ARPC2: variants seen among roughly 807,000 people sequenced by gnomAD.
ARPC2 encodes actin-related protein 2/3 complex subunit 2.
In ARPC2, 4 loss-of-function variants were observed where a neutral mutation model predicts 38.6. That is an observed-to-expected ratio of 0.10 (90% CI 0.05 to 0.24). The LOEUF (loss-of-function observed/expected upper bound fraction) is 0.24. Ranked by LOEUF, ARPC2 falls within the 10% of genes least tolerant of loss-of-function variation. The pLI is 1.00. For synonymous variants in ARPC2, 125 were observed against 140.8 expected, an observed-to-expected ratio of 0.89 and a Z score of 0.79; for missense variants, 229 against 387.3, an observed-to-expected ratio of 0.59 and a Z score of 3.43.
In ARPC2 at chr2:218,224,470, C is replaced by A. The variant is rs1031570962; in HGVS notation, c.75-1450C>A. ...CCTCTTAATATTTCATTCAGTTGGT[C>A]CATGATTAACATTTCCATATTTTTG... On this transcript the variant is annotated intron_variant, in intron 2 of 10. Transcript: ENST00000315717. Among the ~76,000 whole-genome samples the A allele has an allele frequency of 2.6e-4, 39 of 152,168 alleles. 1 individual carries two copies. Among genetic ancestry groups the A allele is most frequent in the Admixed American group, 2.6e-3 (39 of 15,264 alleles).
chr2:218,249,383 C>T lies in ARPC2; in HGVS notation c.696C>T (p.Thr232=), dbSNP rs373216189. The T allele has an allele frequency of 1.2e-6, 2 of 1,613,136 alleles. No individual in the cohort carries two copies. The highest frequency in any genetic ancestry group is 2.7e-5 in the African/African-American group (2 of 74,928). Residue 232 remains threonine, a synonymous_variant, in exon 9 of 11, where the codon ACC becomes ACT. Transcript: ENST00000315717. ...YITFVLFPRH[T]NASARDNTIN... ...CTTCAGTGCTGTTCCCTCGTCACAC[C>T]AATGCCAGTGCTCGAGACAACACCA... is the stretch of plus-strand genomic sequence containing the variant.
chr2:218,221,952 G>GGA (rs1305769301), intron 2 of ARPC2, among the ~76,000 whole-genome samples: 4 of 152,194 alleles, frequency 2.6e-5, no homozygotes, highest in Non-Finnish European at 4.4e-5. Flanking sequence ...GGGATAAGTA[G>GGA]GAGAGAGACA....
At position 218,253,958 on chromosome 2, in the gene ARPC2, G is replaced by T. The variant is rs767919551; in HGVS notation, c.*43G>T. ...GGAAGCGGCTGGCAACTGAAGGCTG[G>T]AACACTTGCTACTGGATAATCGTAG... On this transcript the variant is annotated 3_prime_UTR_variant, in exon 11 of 11. Coordinates refer to ENST00000315717, the MANE Select transcript of ARPC2 (RefSeq NM_152862.3). 1 of 1,611,716 alleles carries T rather than the reference G, an allele frequency of 6.2e-7. No homozygotes were observed. The highest frequency in any genetic ancestry group is 2.2e-5 in the East Asian group (1 of 44,872).
chr2:218,250,289 C>T (rs372484972), intron 10 of ARPC2, among the ~76,000 whole-genome samples: 219 of 152,232 alleles, frequency 1.4e-3, no homozygotes, highest in African/African-American at 5.1e-3. Flanking sequence ...TGAAACCACC[C>T]CACTAAGTGT....
At chr2:218,245,573 G>A (rs1197544852) in intron 8 of ARPC2, 27 bp downstream of exon 8, 1 of 1,613,496 alleles carries the variant, frequency 6.2e-7, no homozygotes, top group South Asian at 1.1e-5. Flanking sequence ...TGCTGCTTTT[G>A]TGCCGCTTTA....
chr2:218,253,740 T>C (rs1690249560), intron 10 of ARPC2, 151 bp from the exon 11 acceptor site: 12 of 926,316 alleles, frequency 1.3e-5, no homozygotes, highest in South Asian at 4.1e-5. Context: ...TTTTAGCCGA[T>C]GTCCTGTGGT....
chr2:218,247,254 C>T (rs140068283), intron 8 of ARPC2, among the ~76,000 whole-genome samples: 9 of 152,306 alleles, frequency 5.9e-5, no homozygotes, highest in African/African-American at 1.4e-4. Context: ...CACTTTTTCG[C>T]GGAATAAATT....
intron 4 of ARPC2, among the ~76,000 whole-genome samples, chr2:218,230,589 A>G (rs1689612300): frequency 6.6e-6 from 1 of 152,088 alleles, no homozygotes. Flanking sequence ...GTGAGCCACC[A>G]TGTCCAGCTG....
chr2:218,232,799 A>G (rs1232060988), intron 4 of ARPC2, among the ~76,000 whole-genome samples: 3 of 151,878 alleles, frequency 2.0e-5, no homozygotes, highest in African/African-American at 7.3e-5. Flanking sequence ...GATGGTCTCA[A>G]TCTCCTGACC....
intron 5 of ARPC2, among the ~76,000 whole-genome samples, chr2:218,237,207 CTTTTTTTTT>C (rs953914287): frequency 2.0e-5 from 3 of 150,890 alleles, no homozygotes; most frequent in African/African-American, 7.3e-5. Flanking sequence ...TTCTTTTTTT[CTTTTTTTTT>C]GAGACAGAAT....
chr2:218,224,604 A>C (rs1277915845), intron 2 of ARPC2, among the ~76,000 whole-genome samples: 1 of 152,168 alleles, frequency 6.6e-6, no homozygotes. Context: ...ATTTTCATCT[A>C]GTTTTTTCCT....
chr2:218,239,118 C>G lies in ARPC2; in HGVS notation c.455+268C>G, dbSNP rs1574587607. 4 of 568,972 alleles carry G rather than the reference C, an allele frequency of 7.0e-6. No homozygotes were observed. In the East Asian group the frequency reaches 1.2e-4, roughly 16 times the overall value. 35.2% of individuals were successfully genotyped at this position (568,972 alleles called of 1,614,324 possible). Reference sequence around the variant, plus strand: ...TTCTGAGTCATGTTTAAGAGTATAGCCTGGATAATCAGCAGGCAGGGTGAC... The same window carrying G: ...TTCTGAGTCATGTTTAAGAGTATAGGCTGGATAATCAGCAGGCAGGGTGAC... On this transcript the variant is annotated intron_variant, in intron 6 of 10. Transcript: ENST00000315717.
chr2:218,230,968 A>G (rs948162981), intron 4 of ARPC2, among the ~76,000 whole-genome samples: 3 of 152,204 alleles, frequency 2.0e-5, no homozygotes, highest in South Asian at 2.1e-4. Context: ...TCCAGAACAC[A>G]TTGCTATTCT....
At chr2:218,219,870 G>C (rs192299279) in intron 2 of ARPC2, among the ~76,000 whole-genome samples, 34 of 152,212 alleles carry the variant, frequency 2.2e-4, no homozygotes, top group Middle Eastern at 3.4e-3. Flanking sequence ...TATTGTGCCT[G>C]GTAGGCAGGG....
chr2:218,246,710 C>T (rs1474216135), intron 8 of ARPC2, among the ~76,000 whole-genome samples: 2 of 152,034 alleles, frequency 1.3e-5, no homozygotes, highest in Non-Finnish European at 2.9e-5. Context: ...GTGGCTCACA[C>T]CTGTAATCCC....
chr2:218,233,632 A>T (rs950657697), intron 4 of ARPC2: 2 of 150,752 alleles, frequency 1.3e-5, no homozygotes, highest in Non-Finnish European at 2.9e-5. Context: ...TTTAAAGCAT[A>T]CAAGATCAGC....
In ARPC2 at chr2:218,250,885, G is replaced by A. The variant is rs535193932; in HGVS notation, c.878+964G>A. Among the ~76,000 whole-genome samples the A allele has an allele frequency of 3.3e-5, 5 of 151,952 alleles. No homozygotes were observed. In the South Asian group the frequency reaches 1.0e-3, roughly 32 times the overall value. ...TTTGTTTTTTGGTGGGGGTGTTGGG[G>A]GAGACAGAGTCTCACTCTGTCGCCC... On this transcript the variant is annotated intron_variant, in intron 10 of 10. Transcript: ENST00000315717.
chr2:218,227,148 C>T (rs1689519492), intron 3 of ARPC2: 1 of 392,540 alleles, frequency 2.5e-6, no homozygotes, highest in East Asian at 7.4e-5. Flanking sequence ...CCAGATATCC[C>T]TTCGTGATTC....
At chr2:218,227,038 G>C (rs542089583) in intron 3 of ARPC2, 1 of 456,542 alleles carries the variant, frequency 2.2e-6, no homozygotes, top group South Asian at 1.5e-5. Flanking sequence ...TCTACAACAA[G>C]AGTCCTCGAC....
Sources: gnomAD v4.1 joint callset for allele counts (sites outside exome capture counted in the v4.1 genomes callset) on GRCh38, gnomAD v4.1.1 for gene constraint, MANE v1.5 for transcripts, NCBI Gene and HGNC (gene_info 2026-07-23, HGNC 2026-07-21) for gene names.